Variants in C8B observed in about 807,000 individuals in gnomAD.
C8B encodes the protein complement component C8 beta chain.
C8B carries 67 observed loss-of-function variants against 64.6 expected under a neutral mutation model. The observed-to-expected ratio is 1.04, with a 90% confidence interval of 0.85 to 1.27. The LOEUF (loss-of-function observed/expected upper bound fraction) is 1.27. Among genes scored for constraint, C8B ranks in the 50% most tolerant of loss-of-function variants. The pLI is 0.00. For missense variants in C8B, 790 were observed against 725.2 expected (o/e 1.09, Z -1.03); for synonymous variants, 284 against 257.7 (o/e 1.10, Z -0.98).
At chr1:56,937,402 G>A (rs920608754) in intron 9 of C8B, among the ~76,000 whole-genome samples, 1 of 152,198 alleles carries the variant, frequency 6.6e-6, no homozygotes, top group African/African-American at 2.4e-5. Flanking sequence ...GTGGTATCAA[G>A]CTACTGAAAT....
chr1:56,942,775 AG>A (rs763278203), intron 8 of C8B, among the ~76,000 whole-genome samples: 1 of 152,026 alleles, frequency 6.6e-6, no homozygotes, highest in East Asian at 1.9e-4. Context: ...ATTAAAAAGT[AG>A]GGGGGCGTCT....
At position 56,944,176 on chromosome 1, in the gene C8B, C is replaced by T. The variant is rs992300794; in HGVS notation, c.1106-352G>A. ...CAGTGACTGTTACAATCTGCCTGCC[C>T]TCCCTGACCCACCCTTCTCCAATCT... On this transcript the variant is annotated intron_variant, in intron 7 of 11. Transcript: ENST00000371237. Among the ~76,000 whole-genome samples, 8 of 152,278 alleles carry T rather than the reference C, an allele frequency of 5.3e-5. No homozygotes were observed. In the East Asian group the frequency reaches 1.2e-3, roughly 22 times the overall value.
chr1:56,944,369 C>G (rs17114672), intron 7 of C8B, among the ~76,000 whole-genome samples: 3,106 of 152,306 alleles, frequency 0.02, 101 homozygotes, highest in African/African-American at 0.071. Context: ...TCCTCCTCCT[C>G]TTGTCTTGCT....
chr1:56,943,713 A>G lies in C8B; in HGVS notation c.1217T>C (p.Ile406Thr). The G allele has an allele frequency of 6.2e-7, 1 of 1,614,116 alleles. No individual in the cohort carries two copies. The highest frequency in any genetic ancestry group is 8.5e-7 in the Non-Finnish European group (1 of 1,179,982). The change falls in exon 8 of 12, where the codon ATT (isoleucine) becomes ACT (threonine). Residue 406 changes from isoleucine to threonine, a missense_variant. Transcript: ENST00000371237. ...TCACTCACCTTTTATTTCATTCAGA[A>G]TACCTCTGCATTTGCCTACAGACAC... ...LGVSVGKCRG[I>T]LNEIKDRNKR...
At chr1:56,952,354 C>T (rs139926004) in intron 4 of C8B, among the ~76,000 whole-genome samples, 174 bp from the exon 5 acceptor site, 5 of 152,246 alleles carry the variant, frequency 3.3e-5, no homozygotes, top group Admixed American at 1.3e-4. Context: ...ACCACAGCCA[C>T]GTGCCCTAGT....
Position 56,929,327 on chromosome 1 carries a change from T to A in C8B, c.*77A>T. The A allele has an allele frequency of 2.0e-6, 3 of 1,502,032 alleles. No homozygotes were observed. The highest frequency in any genetic ancestry group is 2.8e-6 in the Non-Finnish European group (3 of 1,079,754). 93.0% of individuals were successfully genotyped at this position (1,502,032 alleles called of 1,614,324 possible). A position where few individuals can be genotyped will look rare whatever the true frequency, so the allele number is the denominator to read the frequency against. On this transcript the variant is annotated 3_prime_UTR_variant, in exon 12 of 12. Transcript: ENST00000371237. ...CCTTGCATGAACTCCAGGTGGAAACTGGTGTAGGGCTGAGCTGGCATGAGT... is the reference window on the plus strand; with the variant it reads ...CCTTGCATGAACTCCAGGTGGAAACAGGTGTAGGGCTGAGCTGGCATGAGT...
chr1:56,943,008 A>T (rs987475316), intron 8 of C8B, among the ~76,000 whole-genome samples: 2 of 151,850 alleles, frequency 1.3e-5, no homozygotes, highest in African/African-American at 2.4e-5. Flanking sequence ...AGGTGAGAGG[A>T]TTGCCTGAGC....
chr1:56,937,923 G>A (rs1301152908), intron 9 of C8B, among the ~76,000 whole-genome samples: 1 of 152,072 alleles, frequency 6.6e-6, no homozygotes, highest in African/African-American at 2.4e-5. Context: ...TTTTCTTCAA[G>A]CATTTCACAC....
chr1:56,930,398 T>G (rs1036835482), intron 11 of C8B, among the ~76,000 whole-genome samples: 2 of 152,180 alleles, frequency 1.3e-5, no homozygotes, highest in African/African-American at 4.8e-5. Flanking sequence ...GGTAAATTAC[T>G]TAATAACTGG....
Position 56,962,187 on chromosome 1 carries a change from G to T in C8B, c.93-2011C>A, listed in dbSNP as rs145634224. 1.4e-4 allele frequency among the ~76,000 whole-genome samples: 22 copies of T among 152,346 alleles called. No individual in the cohort carries two copies. In the East Asian group the frequency reaches 4.0e-3, roughly 28 times the overall value. ...GATTTGAAAGCCTGTTAATGGGCAA[G>T]ATGATCACTTACGGAAAGAACTTGG... is the stretch of plus-strand genomic sequence containing the variant. On this transcript the variant is annotated intron_variant, in intron 1 of 11. Transcript: ENST00000371237.
chr1:56,951,637 C>T (rs1645022054), intron 5 of C8B, among the ~76,000 whole-genome samples: 1 of 152,154 alleles, frequency 6.6e-6, no homozygotes, highest in Non-Finnish European at 1.5e-5. Context: ...AGGTGCTGTG[C>T]TAAATACTTA....
At chr1:56,935,376 C>G (rs988393898) in intron 9 of C8B, among the ~76,000 whole-genome samples, 3 of 152,040 alleles carry the variant, frequency 2.0e-5, no homozygotes, top group African/African-American at 7.2e-5. Flanking sequence ...TTGCTCCTCC[C>G]TCCTTAACTT....
intron 6 of C8B, among the ~76,000 whole-genome samples, chr1:56,947,837 A>T (rs1345951083): frequency 6.6e-6 from 1 of 152,142 alleles, no homozygotes; most frequent in South Asian, 2.1e-4. Context: ...AGGCTGAGGC[A>T]GGAGAATCGC....
At chr1:56,938,744 G>C (rs184377017) in intron 9 of C8B, among the ~76,000 whole-genome samples, 55 of 152,244 alleles carry the variant, frequency 3.6e-4, no homozygotes, top group South Asian at 1.9e-3. Flanking sequence ...ATTAAGCCTT[G>C]GTTGAAACTA....
At position 56,949,755 on chromosome 1, in the gene C8B, A is replaced by C. The variant is rs779403865; in HGVS notation, c.667-3T>G. 1.2e-6 allele frequency: 2 copies of C among 1,600,102 alleles called. No individual in the cohort carries two copies. Among genetic ancestry groups the C allele is most frequent in the East Asian group, 4.5e-5 (2 of 44,680 alleles). On this transcript the variant is annotated splice_polypyrimidine_tract_variant and splice_region_variant and intron_variant, in intron 5 of 11. Transcript: ENST00000371237. ...ATGAATTCGTATTTGCCTTGGGTCT[A>C]AAGAAGAAAAAAGAAAGGGTTTTTT...
chr1:56,956,805 G>A lies in C8B; in HGVS notation c.355C>T (p.Gln119Ter), dbSNP rs760669928. 1 of 1,614,046 alleles carries A rather than the reference G, an allele frequency of 6.2e-7. No homozygotes were observed. The change falls in exon 3 of 12, where the codon CAA (glutamine) becomes TAA (stop). Residue 119 changes from glutamine (Q) to a stop codon, truncating the protein, a stop_gained. Coordinates refer to ENST00000371237, the MANE Select transcript of C8B (RefSeq NM_000066.4). LOFTEE classifies it high-confidence loss of function. ...CACACAAAGCCTTCACATCGCACTTGACTTCCGCATGGTCTGTTGGTAACA... is the reference window on the plus strand; with the variant it reads ...CACACAAAGCCTTCACATCGCACTTAACTTCCGCATGGTCTGTTGGTAACA... ...DCVTNRPCGS[Q>*]VRCEGFVCAQ...
Position 56,929,445 on chromosome 1 carries a change from G to C in C8B, c.1735C>G (p.Pro579Ala), listed in dbSNP as rs1191240412. 1 of 1,612,448 alleles carries C rather than the reference G, an allele frequency of 6.2e-7. No individual in the cohort carries two copies. Among genetic ancestry groups the C allele is most frequent in the African/African-American group, 1.3e-5 (1 of 74,834 alleles). The part of the protein sequence containing the change: ...NNPPPQNGGS[P>A]CSGPASETLD... ...GTTTCTGAAGCAGGGCCTGAACAGG[G>C]GCTACCCCCATTTTGAGGAGGTGGA... Residue 579 changes from proline to alanine, a missense_variant, in exon 12 of 12, where the codon CCC (proline) becomes GCC (alanine). By Grantham distance (27) the Pro-to-Ala change is conservative. Transcript: ENST00000371237.
intron 2 of C8B, among the ~76,000 whole-genome samples, chr1:56,958,666 A>T (rs549043820): frequency 6.6e-6 from 1 of 152,232 alleles, no homozygotes; most frequent in African/African-American, 2.4e-5. Flanking sequence ...TCTGCGGCAG[A>T]CTCTGAGAGA....
At chr1:56,932,065 G>A (rs612563) in intron 10 of C8B, among the ~76,000 whole-genome samples, 187 bp from the exon 11 acceptor site, 45 of 152,094 alleles carry the variant, frequency 3.0e-4, no homozygotes, top group Non-Finnish European at 3.5e-4. Context: ...TGCCACGAAG[G>A]GGTGTTTATT....
Sources: gnomAD v4.1 joint callset for allele counts (sites outside exome capture counted in the v4.1 genomes callset) on GRCh38, gnomAD v4.1.1 for gene constraint, MANE v1.5 for transcripts, NCBI Gene and HGNC (gene_info 2026-07-23, HGNC 2026-07-21) for gene names.